The following RMDN2 variants were observed in gnomAD, a reference collection of about 807,000 sequenced individuals.
RMDN2 encodes the protein regulator of microtubule dynamics protein 2.
In RMDN2, 61 loss-of-function variants were observed where a neutral mutation model predicts 52.8. The observed-to-expected ratio is 1.16, with a 90% CI of 0.94 to 1.43. The LOEUF (loss-of-function observed/expected upper bound fraction) is 1.43. Ranked by LOEUF, RMDN2 falls within the 40% of genes most tolerant of loss-of-function variation. The probability of loss-of-function intolerance (pLI) is 0.00; values close to 1 mark genes in which losing one functional copy is unlikely to be tolerated. For synonymous variants in RMDN2, 180 were observed against 153.1 expected (o/e 1.18, Z -1.30); for missense variants, 592 against 475.3 (o/e 1.25, Z -2.28).
At chr2:37,961,034 T>C (rs1036133686) in intron 2 of RMDN2, among the ~76,000 whole-genome samples, 2 of 152,246 alleles carry the variant, frequency 1.3e-5, no homozygotes, top group African/African-American at 4.8e-5. Context: ...TTTTCTGGCT[T>C]GTAGGGTTTC....
chr2:37,921,069 T>G (rs1666016903), upstream of RMDN2, among the ~76,000 whole-genome samples: 1 of 152,240 alleles, frequency 6.6e-6, no homozygotes, highest in African/African-American at 2.4e-5. Flanking sequence ...TGTATACTTT[T>G]AATAAATTGA....
At chr2:37,978,068 C>T (rs540256973) in intron 4 of RMDN2, among the ~76,000 whole-genome samples, 2 of 152,308 alleles carry the variant, frequency 1.3e-5, no homozygotes, top group African/African-American at 2.4e-5. Context: ...TCTGCAATCC[C>T]GACACCTCGG....
chr2:37,932,823 C>T (rs1423193329), intron 2 of RMDN2, among the ~76,000 whole-genome samples: 1 of 129,998 alleles, frequency 7.7e-6, no homozygotes, highest in Non-Finnish European at 1.7e-5. Context: ...GGGCTGACCC[C>T]CCGACCTCCC....
intron 2 of RMDN2, among the ~76,000 whole-genome samples, chr2:37,953,998 T>C (rs1025495472): frequency 1.3e-5 from 2 of 152,118 alleles, no homozygotes; most frequent in Admixed American, 6.6e-5. Flanking sequence ...TATATCTTCT[T>C]TGGAGAAATG....
intron 8 of RMDN2, among the ~76,000 whole-genome samples, chr2:38,002,312 A>G (rs1221758954): frequency 6.6e-6 from 1 of 152,222 alleles, no homozygotes; most frequent in Non-Finnish European, 1.5e-5. Flanking sequence ...GGGAAAAAGT[A>G]TGTTAATTGG....
At chr2:38,034,637 T>C (rs57045514) in intron 10 of RMDN2, among the ~76,000 whole-genome samples, 13,842 of 151,580 alleles carry the variant, frequency 0.091, 837 homozygotes, top group African/African-American at 0.17. Flanking sequence ...ATTATAATCC[T>C]CTAAACCCAT....
intron 2 of RMDN2, chr2:37,963,317 C>CTTTTTTTTT (rs60052181): frequency 1.7e-5 from 2 of 115,556 alleles, no homozygotes; most frequent in Non-Finnish European, 1.7e-5. Context: ...ACGTGAGTTT[C>CTTTTTTTTT]TTTTTTTTTT....
At chr2:38,019,233 T>C (rs965408459), downstream of RMDN2, among the ~76,000 whole-genome samples, 9 of 152,192 alleles carry the variant, frequency 5.9e-5, no homozygotes, top group African/African-American at 2.2e-4. Flanking sequence ...TGGGAGCAAC[T>C]CATTCCGGCA....
chr2:37,979,026 G>T (rs951863562), intron 4 of RMDN2, among the ~76,000 whole-genome samples: 2 of 152,038 alleles, frequency 1.3e-5, no homozygotes, highest in African/African-American at 4.8e-5. Flanking sequence ...GGAATTCAGG[G>T]GCTAAAATGA....
In RMDN2 at chr2:37,964,009, G is replaced by A. The variant is rs538603895; in HGVS notation, c.453-10031G>A. 6.2e-3 allele frequency among the ~76,000 whole-genome samples: 912 copies of A among 147,552 alleles called. 11 individuals are homozygous for A. Among genetic ancestry groups the A allele is most frequent in the African/African-American group, 0.021 (850 of 40,206 alleles). Reference sequence around the variant, plus strand: ...GGGGGCTGCCCCCCACCTCCCTCCCGGACGGGGCGGCTGGCCTGGCGGGGG... The same window carrying A: ...GGGGGCTGCCCCCCACCTCCCTCCCAGACGGGGCGGCTGGCCTGGCGGGGG... On this transcript the variant is annotated intron_variant, in intron 2 of 10. Transcript: ENST00000354545.
chr2:38,050,039 C>A (rs1249188141), intron 10 of RMDN2, among the ~76,000 whole-genome samples: 1 of 152,102 alleles, frequency 6.6e-6, no homozygotes, highest in Non-Finnish European at 1.5e-5. Context: ...GAATTTGGGA[C>A]CTTATTTATC....
rs1353303252 is a variant in RMDN2 at position 37,932,089 on chromosome 2, A to C, written c.452+2360A>C. On this transcript the variant is annotated intron_variant, in intron 2 of 10. Coordinates refer to ENST00000354545, the MANE Select transcript of RMDN2 (RefSeq NM_001170791.3). ...TATTTATTTATTTTTTTAATTGATC[A>C]TTCTTGGGTGTTTCTCGCAGAGGGG... is the stretch of plus-strand genomic sequence containing the variant. Among the ~76,000 whole-genome samples, 7 of 151,938 alleles carry C rather than the reference A, an allele frequency of 4.6e-5. No individual in the cohort carries two copies. In the East Asian group the frequency reaches 1.3e-3, roughly 29 times the overall value.
chr2:37,955,784 C>A (rs1454956607), intron 2 of RMDN2, among the ~76,000 whole-genome samples: 1 of 152,104 alleles, frequency 6.6e-6, no homozygotes, highest in Non-Finnish European at 1.5e-5. Context: ...AATTAAACCT[C>A]TTTTTTCTTC....
At chr2:38,058,327 G>A (rs1428886283) in intron 10 of RMDN2, among the ~76,000 whole-genome samples, 6 of 152,208 alleles carry the variant, frequency 3.9e-5, no homozygotes, top group Admixed American at 6.5e-5. Context: ...CATTGACATA[G>A]CTCTTTAGGT....
Position 38,017,264 on chromosome 2 carries a change from A to G in RMDN2, c.*25A>G, listed in dbSNP as rs1394811695. The G allele has an allele frequency of 6.6e-7, 1 of 1,504,390 alleles. No homozygotes were observed. Among genetic ancestry groups the G allele is most frequent in the Non-Finnish European group, 8.9e-7 (1 of 1,125,914 alleles). The allele number at this position is 1,504,390 out of a possible 1,614,324, so 93.2% of individuals were successfully genotyped here. On this transcript the variant is annotated 3_prime_UTR_variant, in exon 11 of 11. Transcript: ENST00000354545. ...AATAAACGAATTTACTCTTCAACAA[A>G]TCAGATGTGGTCTACCAAAATTTAA...
chr2:38,058,136 C>T (rs982809079), intron 10 of RMDN2, among the ~76,000 whole-genome samples: 22 of 152,228 alleles, frequency 1.4e-4, no homozygotes, highest in African/African-American at 4.8e-4. Context: ...AATAATTGTG[C>T]TCCTCACATG....
chr2:37,988,001 G>T (rs1244315572), intron 5 of RMDN2, among the ~76,000 whole-genome samples: 1 of 152,192 alleles, frequency 6.6e-6, no homozygotes, highest in African/African-American at 2.4e-5. Context: ...AGAGGTTGCA[G>T]TGAGCCAAGA....
chr2:38,063,415 A>C (rs1329108822), intron 10 of RMDN2, among the ~76,000 whole-genome samples: 1 of 152,224 alleles, frequency 6.6e-6, no homozygotes, highest in African/African-American at 2.4e-5. Flanking sequence ...GATGGATTGA[A>C]GACTTAAATG....
At chr2:37,987,874 C>T (rs12712571) in intron 5 of RMDN2, among the ~76,000 whole-genome samples, 61,623 of 151,780 alleles carry the variant, frequency 0.41, 13,762 homozygotes, top group East Asian at 0.77. Flanking sequence ...GTCTGGCCAA[C>T]ATGGTGAAAT....
Sources: gnomAD v4.1 joint callset for allele counts (sites outside exome capture counted in the v4.1 genomes callset) on GRCh38, gnomAD v4.1.1 for gene constraint, MANE v1.5 for transcripts, NCBI Gene and HGNC (gene_info 2026-07-23, HGNC 2026-07-21) for gene names.